The following MAGI1 variants were observed in gnomAD, a reference collection of about 807,000 sequenced individuals.
MAGI1 encodes membrane associated guanylate kinase, WW and PDZ domain containing 1.
A neutral mutation model predicts 139.9 loss-of-function variants in MAGI1; 58 were observed. The ratio of observed to expected loss-of-function variants is 0.41; its 90% CI spans 0.34 to 0.52. MAGI1 has a LOEUF of 0.52. Among genes scored for constraint, MAGI1 ranks in the 20% least tolerant of loss-of-function variants. The pLI is 0.12. For missense variants in MAGI1, 1,874 were observed against 1,901.6 expected, an observed-to-expected ratio of 0.99 and a Z score of 0.27; for synonymous variants, 812 against 737.9, an observed-to-expected ratio of 1.10 and a Z score of -1.63.
chr3:65,528,659 G>C (rs748545914), intron 2 of MAGI1, among the ~76,000 whole-genome samples: 2 of 152,190 alleles, frequency 1.3e-5, no homozygotes, highest in Non-Finnish European at 1.5e-5. Context: ...ATGTGTAGCA[G>C]AGAACAAATG....
intron 1 of MAGI1, among the ~76,000 whole-genome samples, chr3:65,642,540 G>A (rs974422885): frequency 1.3e-4 from 20 of 152,136 alleles, no homozygotes; most frequent in African/African-American, 3.6e-4. Context: ...TAGACAGTCC[G>A]CCCTATCTAT....
chr3:65,418,248 G>A (rs531654459), intron 12 of MAGI1, among the ~76,000 whole-genome samples: 2 of 152,156 alleles, frequency 1.3e-5, no homozygotes, highest in South Asian at 2.1e-4. Flanking sequence ...TATTACTGAC[G>A]GTAAAGCTCA....
chr3:65,424,413 G>C (rs1254583050), intron 12 of MAGI1, among the ~76,000 whole-genome samples: 4 of 152,172 alleles, frequency 2.6e-5, no homozygotes, highest in East Asian at 1.9e-4. Context: ...ACAAGAGTAA[G>C]AGTCAAACAC....
chr3:65,460,660 T>C (rs879935284), intron 5 of MAGI1, among the ~76,000 whole-genome samples: 1 of 152,168 alleles, frequency 6.6e-6, no homozygotes, highest in African/African-American at 2.4e-5. Flanking sequence ...ACCTGTCATC[T>C]ACATTAGGTA....
chr3:65,413,035 T>A (rs143493790), intron 12 of MAGI1, among the ~76,000 whole-genome samples: 1 of 152,256 alleles, frequency 6.6e-6, no homozygotes, highest in African/African-American at 2.4e-5. Flanking sequence ...CTGGGTTCAA[T>A]GCCTCTCAAT....
At chr3:65,840,594 T>C (rs1245666120) in intron 1 of MAGI1, among the ~76,000 whole-genome samples, 1 of 152,162 alleles carries the variant, frequency 6.6e-6, no homozygotes, top group Non-Finnish European at 1.5e-5. Flanking sequence ...ACCAGCTTTA[T>C]ATCCCTACAA....
chr3:65,578,947 C>CAGAG (rs1442209747), intron 2 of MAGI1, among the ~76,000 whole-genome samples: 24 of 128,314 alleles, frequency 1.9e-4, no homozygotes, highest in African/African-American at 6.4e-4. Flanking sequence ...GAGAGAGAGA[C>CAGAG]AGAGAGAGAG....
intron 1 of MAGI1, among the ~76,000 whole-genome samples, chr3:65,685,308 A>AC (rs1274105870): frequency 2.7e-5 from 4 of 148,754 alleles, no homozygotes; most frequent in African/African-American, 1.0e-4. Context: ...ATATTTCTTC[A>AC]TTTAAAAAAA....
At chr3:65,425,108 T>TTAAAAAA (rs1946917042) in intron 12 of MAGI1, among the ~76,000 whole-genome samples, 1 of 66,584 alleles carries the variant, frequency 1.5e-5, no homozygotes, top group African/African-American at 6.1e-5. Flanking sequence ...GTAGAACTTC[T>TTAAAAAA]AAAAAAAAAA....
At chr3:65,746,905 A>G (rs2035756866) in intron 1 of MAGI1, among the ~76,000 whole-genome samples, 1 of 152,230 alleles carries the variant, frequency 6.6e-6, no homozygotes, top group South Asian at 2.1e-4. Context: ...CTTACAGTCT[A>G]GTAGCAAATA....
intron 22 of MAGI1, chr3:65,359,723 T>C (rs1037561185): frequency 8.1e-6 from 8 of 985,648 alleles, no homozygotes; most frequent in Non-Finnish European, 8.4e-6. Flanking sequence ...CTGTGGCAGG[T>C]TCAACCCTTC....
chr3:65,478,887 T>TAAAAAAAAA, intron 3 of MAGI1, 89 bp from the exon 4 acceptor site: 1 of 806,468 alleles, frequency 1.2e-6, no homozygotes, highest in Admixed American at 2.5e-5. Flanking sequence ...CTAGGCACAT[T>TAAAAAAAAA]AAAAAAAAAA....
Position 65,974,798 on chromosome 3 carries a change from T to C in MAGI1, c.313+63198A>G, listed in dbSNP as rs182586179. Among the ~76,000 whole-genome samples the C allele has an allele frequency of 8.5e-5, 13 of 152,164 alleles. No individual in the cohort carries two copies. The East Asian group carries it at 2.3e-3, about 27-fold the overall frequency. On this transcript the variant is annotated intron_variant, in intron 1 of 22. Coordinates refer to ENST00000402939, the MANE Select transcript of MAGI1 (RefSeq NM_001033057.2). The stretch of plus-strand genomic sequence containing the variant: ...CCAAGAGAGAGGGAAATAGAAAGGA[T>C]GACTAGGACAGAAGGCAGATTTTTA...
chr3:65,751,295 C>A (rs1032683900), intron 1 of MAGI1, among the ~76,000 whole-genome samples: 1 of 152,180 alleles, frequency 6.6e-6, no homozygotes, highest in Non-Finnish European at 1.5e-5. Context: ...TGTCCTGCCC[C>A]CTGCTGGGCA....
intron 18 of MAGI1, among the ~76,000 whole-genome samples, chr3:65,366,905 C>T (rs1941467965): frequency 6.6e-6 from 1 of 152,168 alleles, no homozygotes. Context: ...GGAAAACTAG[C>T]TCCTTCATAT....
At chr3:65,480,131 C>T (rs1242844442) in intron 3 of MAGI1, among the ~76,000 whole-genome samples, 1 of 137,728 alleles carries the variant, frequency 7.3e-6, no homozygotes, top group African/African-American at 2.7e-5. Context: ...TACATAGTTA[C>T]ATAACAAACA....
intron 1 of MAGI1, among the ~76,000 whole-genome samples, chr3:65,962,896 C>CA (rs1219916559): frequency 2.2e-5 from 2 of 90,004 alleles, no homozygotes; most frequent in Non-Finnish European, 4.5e-5. Context: ...AAGAAAGTCA[C>CA]AAAAAAATGA....
At chr3:66,001,585 G>A (rs932733715) in intron 1 of MAGI1, among the ~76,000 whole-genome samples, 3 of 152,134 alleles carry the variant, frequency 2.0e-5, no homozygotes, top group Non-Finnish European at 4.4e-5. Flanking sequence ...TATACAGGGG[G>A]AAACTGAGGC....
At chr3:65,815,593 T>C (rs2041549482) in intron 1 of MAGI1, among the ~76,000 whole-genome samples, 2 of 152,222 alleles carry the variant, frequency 1.3e-5, no homozygotes, top group Non-Finnish European at 1.5e-5. Flanking sequence ...TATAGTATTA[T>C]CTTAGCAAGA....
Sources: gnomAD v4.1 joint callset for allele counts (sites outside exome capture counted in the v4.1 genomes callset) on GRCh38, gnomAD v4.1.1 for gene constraint, MANE v1.5 for transcripts, NCBI Gene and HGNC (gene_info 2026-07-23, HGNC 2026-07-21) for gene names.